ZNF441: variants seen among roughly 807,000 people sequenced by gnomAD.
ZNF441 encodes zinc finger protein 441.
Under a neutral mutation model 64.5 loss-of-function variants are expected in ZNF441, and 25 were observed. The observed-to-expected ratio is 0.39, with a 90% confidence interval of 0.28 to 0.54. The LOEUF is 0.54. Among genes scored for constraint, ZNF441 ranks in the 20% least tolerant of loss-of-function variants. The probability of loss-of-function intolerance (pLI) is 0.70; values close to 1 mark genes in which losing one functional copy is unlikely to be tolerated. For missense variants in ZNF441, 715 were observed against 843.3 expected (o/e 0.85, Z 1.88); for synonymous variants, 262 against 268.0 (o/e 0.98, Z 0.22).
intron 1 of ZNF441, among the ~76,000 whole-genome samples, chr19:11,771,335 C>T (rs992676058): frequency 2.2e-4 from 33 of 152,092 alleles, no homozygotes; most frequent in African/African-American, 7.7e-4. Flanking sequence ...AAAAGGAGAA[C>T]TAATTAATAT....
In ZNF441 at chr19:11,767,065, C is replaced by G. The variant is rs1427929382; in HGVS notation, c.-129C>G. 1 of 1,403,122 alleles carries G rather than the reference C, an allele frequency of 7.1e-7. No individual in the cohort carries two copies. The highest frequency in any genetic ancestry group is 1.4e-5 in the African/African-American group (1 of 69,864). 86.9% of individuals were successfully genotyped at this position (1,403,122 alleles called of 1,614,324 possible). ...AAGAGCCCGCCGAGTCTTCTCCACG[C>G]CCCTGCACTGGGCTCCGGGTTCTGT... is the stretch of plus-strand genomic sequence containing the variant. On this transcript the variant is annotated 5_prime_UTR_variant, in exon 1 of 4. Coordinates refer to ENST00000357901, the MANE Select transcript of ZNF441 (RefSeq NM_152355.3). The surrounding 1 kb of genome is among the most constrained non-coding windows in gnomAD (Gnocchi z 5.1).
At position 11,783,238 on chromosome 19, in the gene ZNF441, A is replaced by G. The variant is rs1975418153; in HGVS notation, c.*1332A>G. 6.6e-6 allele frequency: 1 copy of G among 152,248 alleles called. No homozygotes were observed. Among genetic ancestry groups the G allele is most frequent in the Non-Finnish European group, 1.5e-5 (1 of 68,040 alleles). 9.4% of individuals were successfully genotyped at this position (152,248 alleles called of 1,614,324 possible). ...TAGGAAAATGCAAATTGAAACCACAATGAGATACTCTACTTAGAATTGTTC... is the reference window on the plus strand; with the variant it reads ...TAGGAAAATGCAAATTGAAACCACAGTGAGATACTCTACTTAGAATTGTTC... On this transcript the variant is annotated 3_prime_UTR_variant, in exon 4 of 4. Coordinates refer to ENST00000357901, the MANE Select transcript of ZNF441 (RefSeq NM_152355.3).
Position 11,781,489 on chromosome 19 carries a change from A to G in ZNF441, c.1665A>G (p.Gly555=), listed in dbSNP as rs1224381517. The G allele has an allele frequency of 1.2e-6, 2 of 1,614,168 alleles. No homozygotes were observed. The highest frequency in any genetic ancestry group is 3.3e-5 in the Admixed American group (2 of 60,026). Residue 555 remains glycine (G), a synonymous_variant, in exon 4 of 4, where the codon GGA becomes GGG. Transcript: ENST00000357901. ...YIQLHERTHT[G]EKPYGCQQCG... is the part of the protein sequence containing the mutation. ...AACTACATGAAAGGACTCACACTGG[A>G]GAGAAACCCTATGGTTGTCAGCAAT...
chr19:11,777,947 T>C (rs1445082662), intron 2 of ZNF441: 1 of 479,846 alleles, frequency 2.1e-6, no homozygotes, highest in Non-Finnish European at 3.7e-6. Flanking sequence ...AGTTGATTAA[T>C]ACATGTATTA....
At chr19:11,773,916 C>G (rs886764011) in intron 1 of ZNF441, among the ~76,000 whole-genome samples, 7 of 152,110 alleles carry the variant, frequency 4.6e-5, no homozygotes, top group Non-Finnish European at 1.0e-4. Context: ...AATACACATT[C>G]TATGTCATAA....
At position 11,781,470 on chromosome 19, in the gene ZNF441, A is replaced by T; in HGVS notation, c.1646A>T (p.His549Leu). ...GFRSSSYIQL[H>L]ERTHTGEKPY... ...AGGTCTTCCAGTTACATTCAACTACATGAAAGGACTCACACTGGAGAGAAA... is the reference window on the plus strand; with the variant it reads ...AGGTCTTCCAGTTACATTCAACTACTTGAAAGGACTCACACTGGAGAGAAA... Residue 549 changes from histidine (H) to leucine (L), a missense_variant, in exon 4 of 4, where the codon CAT becomes CTT. Transcript: ENST00000357901. The T allele has an allele frequency of 6.2e-7, 1 of 1,614,150 alleles. No individual in the cohort carries two copies. Among genetic ancestry groups the T allele is most frequent in the Non-Finnish European group, 8.5e-7 (1 of 1,180,004 alleles).
rs992017162 is a variant in ZNF441 at position 11,767,287 on chromosome 19, C to T, written c.3+91C>T. ...GGCTGTGGTGGCACCAGGTCTTCCC[C>T]GCCGGCGACACCCTGGCGCAGCTCG... On this transcript the variant is annotated intron_variant, in intron 1 of 3. Transcript: ENST00000357901. The surrounding 1 kb of genome is among the most constrained non-coding windows in gnomAD (Gnocchi z 5.1). 4.1e-4 allele frequency: 626 copies of T among 1,535,184 alleles called. 3 individuals are homozygous for T. Among genetic ancestry groups the T allele is most frequent in the South Asian group, 2.3e-3 (192 of 83,500 alleles).
At position 11,780,288 on chromosome 19, in the gene ZNF441, G is replaced by A; in HGVS notation, c.464G>A (p.Cys155Tyr). 6.2e-7 allele frequency: 1 copy of A among 1,614,128 alleles called. No individual in the cohort carries two copies. Among genetic ancestry groups the A allele is most frequent in the South Asian group, 1.1e-5 (1 of 91,072 alleles). Residue 155 changes from cysteine (C) to tyrosine (Y), a missense_variant, in exon 4 of 4, where the codon TGC becomes TAC. Around this residue, in one of 2 missense-constraint regions of ZNF441, gnomAD observed 399 missense variants for 413.9 expected, o/e 0.96. Transcript: ENST00000357901. ...GGGACAGCTTTCAGTTATCAGCCCT[G>A]CTTTCAAATACATGAAAGACCTCAG... The part of the protein sequence containing the change: ...QCGTAFSYQP[C>Y]FQIHERPQHG...
rs561451994 is a variant in ZNF441 at position 11,767,013 on chromosome 19, A to C, written c.-181A>C. ...GTCGTGAGAACTGTCAATCAGGCGCACTGACCGGAGGAGGGTGCAAGGTTC... is the reference window on the plus strand; with the variant it reads ...GTCGTGAGAACTGTCAATCAGGCGCCCTGACCGGAGGAGGGTGCAAGGTTC... On this transcript the variant is annotated 5_prime_UTR_variant, in exon 1 of 4. Transcript: ENST00000357901. The surrounding 1 kb of genome is among the most constrained non-coding windows in gnomAD (Gnocchi z 5.1). The C allele has an allele frequency of 2.6e-5, 22 of 842,712 alleles. 1 individual carries two copies. In the South Asian group the frequency reaches 3.7e-4, roughly 14 times the overall value. The allele number at this position is 842,712 out of a possible 1,614,324, so 52.2% of individuals were successfully genotyped here.
chr19:11,782,189 G>T lies in ZNF441; in HGVS notation c.*283G>T, dbSNP rs1975410631. ...GGACCTTACTACTGTAAGGAATGTAGAAATGCATTTACTAGTCCTAATTCA... is the reference window on the plus strand; with the variant it reads ...GGACCTTACTACTGTAAGGAATGTATAAATGCATTTACTAGTCCTAATTCA... On this transcript the variant is annotated 3_prime_UTR_variant, in exon 4 of 4. Coordinates refer to ENST00000357901, the MANE Select transcript of ZNF441 (RefSeq NM_152355.3). 4.0e-6 allele frequency: 1 copy of T among 253,158 alleles called. No individual in the cohort carries two copies. The highest frequency in any genetic ancestry group is 1.2e-4 in the South Asian group (1 of 8,346). 15.7% of individuals were successfully genotyped at this position (253,158 alleles called of 1,614,324 possible).
chr19:11,769,197 C>T (rs403773), intron 1 of ZNF441, among the ~76,000 whole-genome samples: 53,649 of 151,780 alleles, frequency 0.35, 9,803 homozygotes, highest in Middle Eastern at 0.41. Flanking sequence ...CGAAACCACA[C>T]TCAAAATGGA....
chr19:11,777,621 C>T lies in ZNF441; in HGVS notation c.14C>T (p.Ala5Val). 1 of 1,612,734 alleles carries T rather than the reference C, an allele frequency of 6.2e-7. No homozygotes were observed. Among genetic ancestry groups the T allele is most frequent in the Non-Finnish European group, 8.5e-7 (1 of 1,179,268 alleles). ...TGTGAAATATTTCAGGACTCAGTGG[C>T]ATTTGAGGATGTGGCTATAAACTTC... MDSV[A>V]FEDVAINFTC... is the part of the protein sequence containing the mutation. Residue 5 changes from alanine to valine, a missense_variant, in exon 2 of 4, where the codon GCA becomes GTA. By Grantham distance (64) the Ala-to-Val change is moderately conservative. This residue lies in a region of ZNF441 where 399 missense variants were observed against 413.9 expected (regional missense o/e 0.96). Transcript: ENST00000357901.
intron 3 of ZNF441, 50 bp from the exon 4 acceptor site, chr19:11,779,969 A>C (rs770181090): frequency 7.1e-7 from 1 of 1,416,842 alleles, no homozygotes; most frequent in Non-Finnish European, 9.7e-7. Flanking sequence ...TTATTAATAC[A>C]AAATCATTTA....
chr19:11,780,344 T>C lies in ZNF441; in HGVS notation c.520T>C (p.Cys174Arg), dbSNP rs772920386. ...HGKKLYDCKECASFSSLENLQ... is the reference protein window; with the variant it reads ...HGKKLYDCKERASFSSLENLQ... ...AAAGAAACTCTATGATTGTAAGGAA[T>C]GTGCAAGCTTCAGTTCTCTTGAAAA... The change falls in exon 4 of 4, where the codon TGT becomes CGT. Residue 174 changes from cysteine to arginine, a missense_variant. By Grantham distance (180) the Cys-to-Arg change is radical. Transcript: ENST00000357901. 25 of 1,614,220 alleles carry C rather than the reference T, an allele frequency of 1.5e-5. No individual in the cohort carries two copies. The South Asian group carries it at 2.3e-4, about 15-fold the overall frequency.
At position 11,767,331 on chromosome 19, in the gene ZNF441, C is replaced by A; in HGVS notation, c.3+135C>A. The A allele has an allele frequency of 1.4e-6, 2 of 1,398,612 alleles. No homozygotes were observed. The highest frequency in any genetic ancestry group is 1.8e-4 in the Middle Eastern group (1 of 5,472). 86.6% of individuals were successfully genotyped at this position (1,398,612 alleles called of 1,614,324 possible). ...CAGCTCGGCCCTCGGTTCCCTCGGC[C>A]GCACGATGGGGCTGGGGCGGCAGCC... On this transcript the variant is annotated intron_variant, in intron 1 of 3. Coordinates refer to ENST00000357901, the MANE Select transcript of ZNF441 (RefSeq NM_152355.3). This position sits in a 1 kb window ranked among gnomAD's most constrained non-coding sequence, Gnocchi z 5.1.
rs992665385 is a variant in ZNF441 at position 11,777,554 on chromosome 19, A to G, written c.4-57A>G. 6 of 1,566,402 alleles carry G rather than the reference A, an allele frequency of 3.8e-6. No individual in the cohort carries two copies. In the African/African-American group the frequency reaches 8.2e-5, roughly 21 times the overall value. On this transcript the variant is annotated intron_variant, in intron 1 of 3. Coordinates refer to ENST00000357901, the MANE Select transcript of ZNF441 (RefSeq NM_152355.3). ...CATGTGAAGGTTATGAAGTGAATTT[A>G]CATTCCCAGTGCCTTCAGTTTTAAT... is the stretch of plus-strand genomic sequence containing the variant.
chr19:11,778,243 A>G, intron 2 of ZNF441, 87 bp from the exon 3 acceptor site: 1 of 917,204 alleles, frequency 1.1e-6, no homozygotes, highest in African/African-American at 1.7e-5. Context: ...TGTGTGAATC[A>G]TGCATGATTG....
chr19:11,778,605 G>A (rs984918746), intron 3 of ZNF441, among the ~76,000 whole-genome samples: 5 of 152,102 alleles, frequency 3.3e-5, no homozygotes, highest in African/African-American at 9.7e-5. Flanking sequence ...TTACAGGCAT[G>A]CACCACCACA....
intron 1 of ZNF441, among the ~76,000 whole-genome samples, chr19:11,772,561 C>T (rs1975322977): frequency 6.6e-6 from 1 of 152,186 alleles, no homozygotes; most frequent in Non-Finnish European, 1.5e-5. Context: ...AATACAGTCT[C>T]TGCAAACATA....
Sources: allele counts gnomAD v4.1 joint callset (sites outside exome capture counted in the v4.1 genomes callset), GRCh38; gene constraint gnomAD v4.1.1; regional missense constraint gnomAD v4.1.1; non-coding constraint Gnocchi (gnomAD v3.1); transcripts MANE v1.5; gene names NCBI Gene and HGNC (gene_info 2026-07-23, HGNC 2026-07-21).